The following PIEZO1 variants were observed in gnomAD, a reference collection of about 807,000 sequenced individuals.
PIEZO1 encodes the protein piezo type mechanosensitive ion channel component 1 (Er blood group), also known as piezo-type mechanosensitive ion channel component 1.
PIEZO1 carries 296 observed loss-of-function variants against 297.2 expected under a neutral mutation model. That is an observed-to-expected ratio of 1.00 (90% CI 0.91 to 1.10). PIEZO1 has a LOEUF of 1.10. Among genes scored for constraint, PIEZO1 ranks in the 50% least tolerant of loss-of-function variants. The pLI is 0.00. For missense variants in PIEZO1, 5,018 were observed against 3,455.5 expected (o/e 1.45, Z -11.34); for synonymous variants, 2,427 against 1,507.5 (o/e 1.61, Z -14.13).
chr16:88,743,604 AAATG>A, intron 2 of PIEZO1: 1 of 456,588 alleles, frequency 2.2e-6, no homozygotes, highest in Non-Finnish European at 4.4e-6. Context: ...TTTTGAGCAC[AAATG>A]GTGTTAGGTG....
chr16:88,747,801 C>T (rs1906142873), intron 2 of PIEZO1, among the ~76,000 whole-genome samples: 1 of 152,276 alleles, frequency 6.6e-6, no homozygotes, highest in South Asian at 2.1e-4. Flanking sequence ...GCAGATGGGA[C>T]GAAGCCACAG....
chr16:88,721,691 C>T lies in PIEZO1; in HGVS notation c.5250G>A (p.Gly1750=), dbSNP rs1468697579. The T allele has an allele frequency of 1.9e-6, 3 of 1,549,274 alleles. No individual in the cohort carries two copies. The highest frequency in any genetic ancestry group is 2.6e-6 in the Non-Finnish European group (3 of 1,146,590). Residue 1750 remains glycine (G), a synonymous_variant, in exon 38 of 51, where the codon GGG becomes GGA. Coordinates refer to ENST00000301015, the MANE Select transcript of PIEZO1 (RefSeq NM_001142864.4). Reference sequence around the variant, plus strand: ...CCACGTGGCTGTTCCAGGGGAAGAACCCAAACTGGAACAGGTACTTGACGA... The same window carrying T: ...CCACGTGGCTGTTCCAGGGGAAGAATCCAAACTGGAACAGGTACTTGACGA... ...AVVVKYLFQF[G]FFPWNSHVVL...
Position 88,727,063 on chromosome 16 carries a change from G to C in PIEZO1, c.3431C>G (p.Pro1144Arg). Residue 1144 changes from proline (P) to arginine (R), a missense_variant, in exon 24 of 51, where the codon CCC becomes CGC. Pro to Arg is a moderately radical substitution (Grantham distance 103). Transcript: ENST00000301015. ...CCTGCAGTGGATAAAGTTGGGCACG[G>C]GGTTGGGCTCCCCCCGCAGCGGCTC... is the stretch of plus-strand genomic sequence containing the variant. ...RLEPLRGEPN[P>R]VPNFIHCRSY... 1 of 1,549,430 alleles carries C rather than the reference G, an allele frequency of 6.5e-7. No individual in the cohort carries two copies. The highest frequency in any genetic ancestry group is 1.2e-5 in the South Asian group (1 of 84,004).
intron 21 of PIEZO1, 147 bp downstream of exon 21, chr16:88,732,188 G>A (rs1904895786): frequency 1.5e-6 from 1 of 667,186 alleles, no homozygotes; most frequent in Middle Eastern, 3.5e-4. Flanking sequence ...GGAGTCCAGG[G>A]AAGCCGTGCC....
chr16:88,716,405 C>A lies in PIEZO1; in HGVS notation c.7005G>T (p.Arg2335=), dbSNP rs781582005. 1.0e-4 allele frequency: 156 copies of A among 1,549,000 alleles called. No homozygotes were observed. Among genetic ancestry groups the A allele is most frequent in the Non-Finnish European group, 1.3e-4 (153 of 1,146,260 alleles). The change falls in exon 48 of 51, where the codon CGG becomes CGT. Residue 2335 remains arginine (R), a synonymous_variant. Coordinates refer to ENST00000301015, the MANE Select transcript of PIEZO1 (RefSeq NM_001142864.4). The part of the protein sequence containing the change: ...MLALAPNSTA[R]RQLASLLEGT... ...CCTCGAGCAGGCTGGCCAGCTGCCG[C>A]CGTGCAGTGCTGTTGGGGGCCAGGG... is the stretch of plus-strand genomic sequence containing the variant.
At chr16:88,731,983 A>T (rs1567670120) in intron 21 of PIEZO1, 73 bp from the exon 22 acceptor site, 4 of 92,796 alleles carry the variant, frequency 4.3e-5, no homozygotes, top group Non-Finnish European at 8.2e-5. Flanking sequence ...CCCACCCAGC[A>T]GGCCTCAGGC....
intron 16 of PIEZO1, 98 bp downstream of exon 16, chr16:88,734,258 G>A: frequency 7.9e-7 from 1 of 1,260,070 alleles, no homozygotes; most frequent in Non-Finnish European, 1.1e-6. Context: ...GGGATCTGAA[G>A]GTGGAAGATG....
At chr16:88,750,495 C>T (rs1027281928) in intron 1 of PIEZO1, among the ~76,000 whole-genome samples, 1 of 152,262 alleles carries the variant, frequency 6.6e-6, no homozygotes, top group African/African-American at 2.4e-5. Context: ...CGTGTCTGCC[C>T]TCCTGCCTGT....
intron 27 of PIEZO1, 52 bp downstream of exon 27, chr16:88,726,232 C>T (rs755566106): frequency 3.2e-5 from 46 of 1,458,666 alleles, no homozygotes; most frequent in Non-Finnish European, 3.8e-5. Context: ...TCCCATTGCC[C>T]CCTCCCAGCC....
intron 1 of PIEZO1, among the ~76,000 whole-genome samples, chr16:88,756,360 T>C (rs1461610429): frequency 1.3e-5 from 2 of 151,856 alleles, no homozygotes; most frequent in Non-Finnish European, 2.9e-5. Context: ...GACCCCACAA[T>C]GGCCGCACTG....
At chr16:88,723,702 C>T (rs1038045067) in intron 31 of PIEZO1, among the ~76,000 whole-genome samples, 169 bp downstream of exon 31, 25 of 152,246 alleles carry the variant, frequency 1.6e-4, no homozygotes, top group African/African-American at 6.0e-4. Flanking sequence ...TCCCTGTAGC[C>T]TGGTTTCCCA....
In PIEZO1 at chr16:88,722,951, C is replaced by T. The variant is rs1427535819; in HGVS notation, c.4554G>A (p.Gly1518=). 16 of 1,549,230 alleles carry T rather than the reference C, an allele frequency of 1.0e-5. No homozygotes were observed. Among genetic ancestry groups the T allele is most frequent in the Non-Finnish European group, 1.4e-5 (16 of 1,146,786 alleles). The change falls in exon 34 of 51, where the codon GGG becomes GGA. Residue 1518 remains glycine, a synonymous_variant. Transcript: ENST00000301015. ...GTGTCAGCTCATCCACTAGCGCCTG[C>T]CCCAGCATCCACAGGAACTGCGCCG... The part of the protein sequence containing the change: ...LSTAQFLWML[G]QALVDELTRW...
rs1183481166 is a variant in PIEZO1 at position 88,732,725 on chromosome 16, G to C, written c.2672C>G (p.Pro891Arg). The change falls in exon 20 of 51, where the codon CCC becomes CGC. Residue 891 changes from proline (P) to arginine (R), a missense_variant. Physicochemically the swap from Pro to Arg is moderately radical, Grantham distance 103 (BLOSUM62 -2). Coordinates refer to ENST00000301015, the MANE Select transcript of PIEZO1 (RefSeq NM_001142864.4). ...EYSSNCTEPF[P>R]NSTNLLPTEI... ...CGTGGGCAGCAAGTTGGTGCTGTTG[G>C]GGAAGGGCTGGCAAGAGGCCAGGCA... 3 of 1,546,370 alleles carry C rather than the reference G, an allele frequency of 1.9e-6. No homozygotes were observed. The African/African-American group carries it at 4.1e-5, about 21-fold the overall frequency.
intron 34 of PIEZO1, 45 bp from the exon 35 acceptor site, chr16:88,722,734 C>A: frequency 1.3e-6 from 2 of 1,530,816 alleles, no homozygotes; most frequent in South Asian, 1.2e-5. Context: ...CAGCTCTTGT[C>A]CCCACACGGG....
rs143717023 is a variant in PIEZO1, at chr16:88,746,893, C to A, written c.160+2491G>T. Among the ~76,000 whole-genome samples, 160 of 152,332 alleles carry A rather than the reference C, an allele frequency of 1.1e-3. 1 individual carries two copies. The highest frequency in any genetic ancestry group is 6.8e-3 in the Middle Eastern group (2 of 294). ...CCAGGGGCCTGGGAACAGACAGAAC[C>A]GGCTCCACAGAGCAAAGGGGAGGCC... On this transcript the variant is annotated intron_variant, in intron 2 of 50. Coordinates refer to ENST00000301015, the MANE Select transcript of PIEZO1 (RefSeq NM_001142864.4).
chr16:88,733,668 G>A lies in PIEZO1; in HGVS notation c.2407C>T (p.Gln803Ter). The A allele has an allele frequency of 6.5e-7, 1 of 1,549,742 alleles. No homozygotes were observed. The highest frequency in any genetic ancestry group is 8.7e-7 in the Non-Finnish European group (1 of 1,146,628). ...TCCAGCAGCCGCCGCAGGAACACCT[G>A]CACGCGTGAGAGGACGTCCGAGAAG... ...AGFSDVLSRVQVFLRRLLELH... is the reference protein window; with the variant it reads ...AGFSDVLSRV Residue 803 changes from glutamine (Q) to a stop codon, truncating the protein, a stop_gained, in exon 18 of 51, where the codon CAG (glutamine) becomes TAG (stop). Coordinates refer to ENST00000301015, the MANE Select transcript of PIEZO1 (RefSeq NM_001142864.4). LOFTEE classifies it high-confidence loss of function.
intron 1 of PIEZO1, among the ~76,000 whole-genome samples, chr16:88,762,231 G>A (rs13337768): frequency 0.05 from 7,645 of 152,206 alleles, 251 homozygotes; most frequent in Middle Eastern, 0.1. Context: ...CAGGGGTCTG[G>A]GCAGAGCCCA....
At chr16:88,725,757 G>A (rs969633922) in intron 27 of PIEZO1, 73 bp from the exon 28 acceptor site, 64 of 804,568 alleles carry the variant, frequency 8.0e-5, no homozygotes, top group African/African-American at 3.4e-4. Flanking sequence ...GCCGCTCCCC[G>A]CTCAGCCCGG....
At chr16:88,769,863 G>A (rs555912205) in intron 1 of PIEZO1, among the ~76,000 whole-genome samples, 32 of 152,352 alleles carry the variant, frequency 2.1e-4, no homozygotes, top group Non-Finnish European at 4.1e-4. Context: ...TCCTGCGCAG[G>A]TTAGAGGGAA....
Sources: allele counts gnomAD v4.1 joint callset (sites outside exome capture counted in the v4.1 genomes callset), GRCh38; gene constraint gnomAD v4.1.1; transcripts MANE v1.5; gene names NCBI Gene and HGNC (gene_info 2026-07-23, HGNC 2026-07-21).